The following DGKI variants were observed in gnomAD, a reference collection of about 807,000 sequenced individuals.
DGKI encodes the protein diacylglycerol kinase iota.
In DGKI, 55 loss-of-function variants were observed where a neutral mutation model predicts 147.5. The ratio of observed to expected loss-of-function variants is 0.37; its 90% CI spans 0.30 to 0.47. DGKI has a LOEUF of 0.47. DGKI is among the 20% of genes least tolerant of loss of function. The pLI, the probability that DGKI is intolerant of heterozygous loss-of-function variation, is 1.00. For synonymous variants in DGKI, 469 were observed against 477.1 expected (o/e 0.98, Z 0.22); for missense variants, 1,007 against 1,323.8 (o/e 0.76, Z 3.71).
At chr7:137,597,141 T>G in intron 12 of DGKI, among the ~76,000 whole-genome samples, 1 of 152,092 alleles carries the variant, frequency 6.6e-6, no homozygotes, top group East Asian at 1.9e-4. Flanking sequence ...AATACAAACA[T>G]ACAGTCAGAA....
At chr7:137,446,100 A>C (rs773257708) in intron 27 of DGKI, among the ~76,000 whole-genome samples, 3 of 152,238 alleles carry the variant, frequency 2.0e-5, no homozygotes, top group Non-Finnish European at 4.4e-5. Context: ...ACAGAGCTAC[A>C]GGAACAAAGT....
At chr7:137,739,776 G>C (rs1795125617) in intron 1 of DGKI, among the ~76,000 whole-genome samples, 1 of 140,622 alleles carries the variant, frequency 7.1e-6, no homozygotes, top group South Asian at 2.3e-4. Context: ...AGTTGTTTTT[G>C]GTCCCTGTTT....
At chr7:137,455,771 G>A (rs967068340) in intron 27 of DGKI, among the ~76,000 whole-genome samples, 2 of 151,834 alleles carry the variant, frequency 1.3e-5, no homozygotes, top group Admixed American at 6.6e-5. Context: ...GTACCGCAGA[G>A]AAGTCCCATG....
intron 1 of DGKI, among the ~76,000 whole-genome samples, chr7:137,808,797 T>C (rs1226365964): frequency 6.6e-6 from 1 of 151,988 alleles, no homozygotes; most frequent in Non-Finnish European, 1.5e-5. Flanking sequence ...CTGCAAACCA[T>C]GAGGATGTCA....
At chr7:137,591,734 T>G (rs981925428) in intron 12 of DGKI, among the ~76,000 whole-genome samples, 3 of 152,220 alleles carry the variant, frequency 2.0e-5, no homozygotes, top group African/African-American at 7.2e-5. Flanking sequence ...AGCTAGTGCC[T>G]GACAAACAGG....
intron 3 of DGKI, among the ~76,000 whole-genome samples, chr7:137,658,325 A>G (rs1822297304): frequency 6.6e-6 from 1 of 152,156 alleles, no homozygotes; most frequent in South Asian, 2.1e-4. Context: ...TCTGTTTCCT[A>G]TGGATATCCT....
rs1585365062 is a variant in DGKI at position 137,681,458 on chromosome 7, A to G, written c.511-2806T>C. On this transcript the variant is annotated intron_variant, in intron 2 of 32. Coordinates refer to ENST00000614521, the MANE Select transcript of DGKI (RefSeq NM_001321708.2). ...AGGTATCCTGAAGACATCAATCCACACAACCTAAAATATTCTACTACTGGG... is the reference window on the plus strand; with the variant it reads ...AGGTATCCTGAAGACATCAATCCACGCAACCTAAAATATTCTACTACTGGG... Among the ~76,000 whole-genome samples the G allele has an allele frequency of 2.6e-5, 4 of 152,352 alleles. No homozygotes were observed. The East Asian group carries it at 7.7e-4, about 29-fold the overall frequency.
At chr7:137,433,692 G>A (rs1813170366) in intron 28 of DGKI, among the ~76,000 whole-genome samples, 1 of 152,156 alleles carries the variant, frequency 6.6e-6, no homozygotes, top group Admixed American at 6.5e-5. Context: ...ATTACACAAA[G>A]ACCAGAGTCA....
intron 21 of DGKI, among the ~76,000 whole-genome samples, chr7:137,519,035 T>G (rs2128951336): frequency 6.6e-6 from 1 of 152,140 alleles, no homozygotes; most frequent in Middle Eastern, 3.4e-3. Context: ...GGTTGATAAA[T>G]CCTATGGAGT....
intron 3 of DGKI, among the ~76,000 whole-genome samples, chr7:137,663,952 G>A (rs1822537190): frequency 6.6e-6 from 1 of 152,180 alleles, no homozygotes; most frequent in Non-Finnish European, 1.5e-5. Flanking sequence ...AGAATTGGTG[G>A]CTTAGGAAAC....
chr7:137,487,111 C>A (rs1365513271), intron 22 of DGKI, among the ~76,000 whole-genome samples: 1 of 151,858 alleles, frequency 6.6e-6, no homozygotes, highest in East Asian at 1.9e-4. Flanking sequence ...TTCTCTAAAG[C>A]AAGACTAGAT....
chr7:137,541,735 A>G (rs1021668381), intron 20 of DGKI, among the ~76,000 whole-genome samples: 1 of 152,202 alleles, frequency 6.6e-6, no homozygotes. Flanking sequence ...GCTAAATGGC[A>G]CATCTCATAG....
intron 20 of DGKI, among the ~76,000 whole-genome samples, chr7:137,549,585 A>G (rs1817978327): frequency 6.6e-6 from 1 of 152,254 alleles, no homozygotes; most frequent in Non-Finnish European, 1.5e-5. Flanking sequence ...AGGCAAAGAC[A>G]GGAAGGCAGG....
intron 6 of DGKI, among the ~76,000 whole-genome samples, chr7:137,632,582 G>C (rs967203994): frequency 2.0e-5 from 3 of 152,064 alleles, no homozygotes; most frequent in African/African-American, 7.3e-5. Flanking sequence ...ATACAGGCCG[G>C]GCATGGTGGC....
intron 1 of DGKI, among the ~76,000 whole-genome samples, chr7:137,807,242 T>C (rs1247061594): frequency 6.6e-6 from 1 of 152,224 alleles, no homozygotes; most frequent in African/African-American, 2.4e-5. Flanking sequence ...CTTTTTAATA[T>C]AAGGCATTTC....
intron 12 of DGKI, among the ~76,000 whole-genome samples, chr7:137,591,692 T>G (rs1819624682): frequency 6.6e-6 from 1 of 152,088 alleles, no homozygotes; most frequent in Non-Finnish European, 1.5e-5. Context: ...ACTTTTAGAG[T>G]TGTTTCATCA....
intron 5 of DGKI, among the ~76,000 whole-genome samples, chr7:137,653,359 A>G (rs114342526): frequency 2.1e-3 from 320 of 152,258 alleles, no homozygotes; most frequent in African/African-American, 7.5e-3. Flanking sequence ...ACTGCATGGT[A>G]TTTCCTCCAC....
chr7:137,832,069 A>G (rs539716379), intron 1 of DGKI, among the ~76,000 whole-genome samples: 1 of 152,274 alleles, frequency 6.6e-6, no homozygotes, highest in African/African-American at 2.4e-5. Flanking sequence ...GGGCAGCTCC[A>G]CCCTTGTGGC....
chr7:137,527,572 T>C (rs969985200), intron 20 of DGKI, among the ~76,000 whole-genome samples: 2 of 152,182 alleles, frequency 1.3e-5, no homozygotes, highest in Admixed American at 1.3e-4. Flanking sequence ...ATGTAATCAT[T>C]CTACATTTTG....
Sources: gnomAD v4.1 joint callset for allele counts (sites outside exome capture counted in the v4.1 genomes callset) on GRCh38, gnomAD v4.1.1 for gene constraint, MANE v1.5 for transcripts, NCBI Gene and HGNC (gene_info 2026-07-23, HGNC 2026-07-21) for gene names.